MAML3: variants seen among roughly 807,000 people sequenced by gnomAD.
The protein encoded by MAML3 is mastermind-like protein 3.
A neutral mutation model predicts 101.9 loss-of-function variants in MAML3; 27 were observed. That is an observed-to-expected ratio of 0.27 (90% confidence interval 0.20 to 0.37). The LOEUF is 0.37. Ranked by LOEUF, MAML3 falls within the 10% of genes least tolerant of loss-of-function variation. The pLI is 1.00. For missense variants in MAML3, 1,316 were observed against 1,444.9 expected, an observed-to-expected ratio of 0.91 and a Z score of 1.45; for synonymous variants, 501 against 555.9, an observed-to-expected ratio of 0.90 and a Z score of 1.39.
At chr4:139,756,917 A>G (rs937644665) in intron 2 of MAML3, among the ~76,000 whole-genome samples, 2 of 152,128 alleles carry the variant, frequency 1.3e-5, no homozygotes, top group South Asian at 2.1e-4. Flanking sequence ...ATGCATGACT[A>G]AGTCTCCCGC....
intron 2 of MAML3, among the ~76,000 whole-genome samples, chr4:139,866,588 T>C (rs963468768): frequency 2.6e-5 from 4 of 152,208 alleles, no homozygotes; most frequent in African/African-American, 9.6e-5. Flanking sequence ...ATGGAATCTA[T>C]TTGCGGCAGT....
chr4:139,828,765 C>CTTTT (rs1731108236), intron 2 of MAML3, among the ~76,000 whole-genome samples: 1 of 135,674 alleles, frequency 7.4e-6, no homozygotes. Context: ...GAATTACGGT[C>CTTTT]TTTACTCACA....
At chr4:139,861,583 C>T (rs1490625181) in intron 2 of MAML3, among the ~76,000 whole-genome samples, 1 of 151,734 alleles carries the variant, frequency 6.6e-6, no homozygotes, top group Admixed American at 6.6e-5. Context: ...GGAAATCAAA[C>T]TCACAGAGGT....
At chr4:139,854,710 C>T (rs986802983) in intron 2 of MAML3, among the ~76,000 whole-genome samples, 2 of 152,162 alleles carry the variant, frequency 1.3e-5, no homozygotes, top group African/African-American at 4.8e-5. Flanking sequence ...AGGGCAGTCT[C>T]ACTCCGTGCC....
At chr4:139,739,942 T>C (rs1194470283) in intron 2 of MAML3, among the ~76,000 whole-genome samples, 1 of 152,164 alleles carries the variant, frequency 6.6e-6, no homozygotes, top group East Asian at 1.9e-4. Flanking sequence ...GTCTGGGACC[T>C]GGACTATTTC....
intron 2 of MAML3, among the ~76,000 whole-genome samples, chr4:139,860,798 G>A (rs1056941276): frequency 6.6e-6 from 1 of 152,052 alleles, no homozygotes; most frequent in African/African-American, 2.4e-5. Flanking sequence ...AGTTTGTTCT[G>A]TCCTGTTTGT....
chr4:140,043,734 TCTAA>T (rs1468593816), intron 1 of MAML3, among the ~76,000 whole-genome samples: 5 of 152,202 alleles, frequency 3.3e-5, no homozygotes, highest in Admixed American at 1.3e-4. Flanking sequence ...TTGGGACTAT[TCTAA>T]CTAAGACAAC....
chr4:139,803,854 A>G (rs1008678996), intron 2 of MAML3, among the ~76,000 whole-genome samples: 1 of 152,200 alleles, frequency 6.6e-6, no homozygotes, highest in African/African-American at 2.4e-5. Flanking sequence ...ATCTTGCCCA[A>G]GGTCACACAA....
chr4:140,062,772 GCA>G (rs943706413), intron 1 of MAML3, among the ~76,000 whole-genome samples: 4 of 152,200 alleles, frequency 2.6e-5, no homozygotes, highest in African/African-American at 9.7e-5. Context: ...TGAGGAAAGT[GCA>G]CAGTTCCAGG....
intron 1 of MAML3, among the ~76,000 whole-genome samples, chr4:140,051,871 G>C (rs1288013387): frequency 6.6e-6 from 1 of 152,068 alleles, no homozygotes; most frequent in African/African-American, 2.4e-5. Context: ...TAAGAACCAG[G>C]CTTCCTGATT....
chr4:140,037,569 T>C (rs912846666), intron 1 of MAML3, among the ~76,000 whole-genome samples: 1 of 152,218 alleles, frequency 6.6e-6, no homozygotes, highest in African/African-American at 2.4e-5. Flanking sequence ...TCTCCCACAA[T>C]GTGACTCACA....
At chr4:139,751,934 G>A (rs879607253) in intron 2 of MAML3, among the ~76,000 whole-genome samples, 2 of 152,168 alleles carry the variant, frequency 1.3e-5, no homozygotes, top group Admixed American at 1.3e-4. Context: ...AGACCTCCAA[G>A]GAGCCTCCAT....
chr4:140,050,371 G>C (rs1727247362), intron 1 of MAML3, among the ~76,000 whole-genome samples: 1 of 152,132 alleles, frequency 6.6e-6, no homozygotes, highest in Non-Finnish European at 1.5e-5. Flanking sequence ...TCTTTCATTG[G>C]AGTCAACTGG....
chr4:140,146,860 G>T (rs758698271), intron 1 of MAML3, among the ~76,000 whole-genome samples: 137 of 152,090 alleles, frequency 9.0e-4, no homozygotes, highest in Non-Finnish European at 4.3e-4. Context: ...ATCTGGCCGG[G>T]TGCGGTGGCT....
chr4:139,967,531 C>T (rs1360393133), intron 1 of MAML3, among the ~76,000 whole-genome samples: 2 of 150,320 alleles, frequency 1.3e-5, no homozygotes, highest in Non-Finnish European at 3.0e-5. Flanking sequence ...TCTTCATCCC[C>T]GGCAGTTTCC....
chr4:139,802,800 C>G (rs1283246579), intron 2 of MAML3, among the ~76,000 whole-genome samples: 1 of 152,276 alleles, frequency 6.6e-6, no homozygotes, highest in East Asian at 1.9e-4. Context: ...ACAATCATTC[C>G]TTCTTAACAG....
intron 1 of MAML3, among the ~76,000 whole-genome samples, chr4:139,989,882 C>CACACACACAG (rs1385720650): frequency 1.1e-3 from 67 of 63,130 alleles, no homozygotes; most frequent in African/African-American, 3.8e-3. Context: ...CACACACACA[C>CACACACACAG]AGAGAGAGAG....
intron 2 of MAML3, among the ~76,000 whole-genome samples, chr4:139,826,223 C>T (rs1414493066): frequency 1.3e-5 from 2 of 152,014 alleles, no homozygotes; most frequent in African/African-American, 2.4e-5. Flanking sequence ...CCTCAGCATC[C>T]CAGGTCAATG....
intron 1 of MAML3, among the ~76,000 whole-genome samples, chr4:140,065,072 G>A (rs772423980): frequency 2.6e-5 from 4 of 152,032 alleles, no homozygotes; most frequent in African/African-American, 4.8e-5. Flanking sequence ...GCCTTTTCAC[G>A]GACATGTAAA....
Sources: allele counts gnomAD v4.1 joint callset (sites outside exome capture counted in the v4.1 genomes callset), GRCh38; gene constraint gnomAD v4.1.1; transcripts MANE v1.5; gene names NCBI Gene and HGNC (gene_info 2026-07-23, HGNC 2026-07-21).